Variants in FNIP1 observed in about 807,000 individuals in gnomAD.
The protein encoded by FNIP1 is folliculin interacting protein 1, also known as folliculin-interacting protein 1.
FNIP1 carries 40 observed loss-of-function variants against 124.5 expected under a neutral mutation model. The ratio of observed to expected loss-of-function variants is 0.32; its 90% CI spans 0.25 to 0.42. The LOEUF (loss-of-function observed/expected upper bound fraction) is 0.42. Among genes scored for constraint, FNIP1 ranks in the 10% least tolerant of loss-of-function variants. FNIP1 has a pLI of 1.00. For missense variants in FNIP1, 1,176 were observed against 1,403.7 expected (o/e 0.84, Z 2.59); for synonymous variants, 472 against 470.6 (o/e 1.00, Z -0.04).
At chr5:131,783,727 CTT>C (rs1772072420) in intron 1 of FNIP1, among the ~76,000 whole-genome samples, 1 of 152,068 alleles carries the variant, frequency 6.6e-6, no homozygotes, top group African/African-American at 2.4e-5. Flanking sequence ...TCAGTTATGG[CTT>C]TTGACTTCTC....
At chr5:131,777,819 G>A (rs1382501364) in intron 1 of FNIP1, among the ~76,000 whole-genome samples, 1 of 152,160 alleles carries the variant, frequency 6.6e-6, no homozygotes, top group African/African-American at 2.4e-5. Context: ...AAACTTGTTA[G>A]AAATACAAAT....
intron 15 of FNIP1, among the ~76,000 whole-genome samples, chr5:131,667,322 G>C (rs1767631662): frequency 6.6e-6 from 1 of 152,124 alleles, no homozygotes; most frequent in African/African-American, 2.4e-5. Context: ...TATTTGATTG[G>C]TATTCAAAAG....
rs925323259 is a variant in FNIP1, at chr5:131,702,050, G to A, written c.1116+2015C>T. On this transcript the variant is annotated intron_variant, in intron 10 of 17. Coordinates refer to ENST00000510461, the MANE Select transcript of FNIP1 (RefSeq NM_133372.3). ...CTGGAAAATTCGCCAAGATGTTAAC[G>A]ATAGGGTAGCAACAATTGTGCAAAA... Among the ~76,000 whole-genome samples the A allele has an allele frequency of 1.3e-4, 20 of 152,296 alleles. No individual in the cohort carries two copies. In the East Asian group the frequency reaches 3.3e-3, roughly 25 times the overall value.
rs1561707499 is a variant in FNIP1 at position 131,785,047 on chromosome 5, GACTATATATATC to G, written c.92+11771_92+11782del. Among the ~76,000 whole-genome samples, 116 of 34,170 alleles carry G rather than the reference GACTATATATATC, an allele frequency of 3.4e-3. 3 individuals carry two copies. The highest frequency in any genetic ancestry group is 0.015 in the African/African-American group (103 of 6,894). 22.4% of individuals were successfully genotyped at this position (34,170 alleles called of 152,430 possible). A position where few individuals can be genotyped will look rare whatever the true frequency, so the allele number is the denominator to read the frequency against. On this transcript the variant is annotated intron_variant, in intron 1 of 17. Transcript: ENST00000510461. ...TATATGACATATATATGATATATAT[GACTATATATATC>G]ATATATATGATATATATGACATATA...
chr5:131,783,403 T>A (rs1772059963), intron 1 of FNIP1, among the ~76,000 whole-genome samples: 1 of 141,374 alleles, frequency 7.1e-6, no homozygotes, highest in Admixed American at 7.0e-5. Context: ...CTCCTAGAAG[T>A]AGAATAGAAA....
chr5:131,731,910 G>A (rs1270058065), intron 2 of FNIP1, among the ~76,000 whole-genome samples: 2 of 152,162 alleles, frequency 1.3e-5, no homozygotes, highest in Non-Finnish European at 2.9e-5. Flanking sequence ...ATGCAAATGA[G>A]ACTTTCAGAT....
At position 131,652,732 on chromosome 5, in the gene FNIP1, T is replaced by C. The variant is rs143603220; in HGVS notation, c.3109-733A>G. ...ATCCCAGCACACTGGGAGGCTGAGG[T>C]GGGAGGACTGCTTAAGGCCAGGAGC... On this transcript the variant is annotated intron_variant, in intron 15 of 17. Transcript: ENST00000510461. Among the ~76,000 whole-genome samples the C allele has an allele frequency of 6.6e-3, 1,008 of 152,070 alleles. 5 individuals carry two copies. The highest frequency in any genetic ancestry group is 0.011 in the Non-Finnish European group (738 of 67,964).
chr5:131,719,288 C>A (rs369863402), intron 4 of FNIP1, 29 bp downstream of exon 4: 15 of 1,573,878 alleles, frequency 9.5e-6, no homozygotes, highest in Non-Finnish European at 1.2e-5. Flanking sequence ...AAATGGGACT[C>A]GTTAAAAAAA....
rs759540470 is a variant in FNIP1 at position 131,670,510 on chromosome 5, C to T, written c.3061G>A (p.Glu1021Lys). The change falls in exon 15 of 18, where the codon GAG becomes AAG. Residue 1021 changes from glutamate (E) to lysine (K), a missense_variant. By Grantham distance (56) the Glu-to-Lys change is moderately conservative. Coordinates refer to ENST00000510461, the MANE Select transcript of FNIP1 (RefSeq NM_133372.3). ...DFVLQGIGSD[E>K]RFRQCLMSDL... ...GACATCAGACACTGACGGAACCTCT[C>T]ATCACTCCCAATTCCTTGAAGAACA... 11 of 1,613,190 alleles carry T rather than the reference C, an allele frequency of 6.8e-6. No homozygotes were observed. The highest frequency in any genetic ancestry group is 9.3e-6 in the Non-Finnish European group (11 of 1,179,754).
At chr5:131,771,407 A>G (rs1771629133) in intron 1 of FNIP1, among the ~76,000 whole-genome samples, 1 of 152,212 alleles carries the variant, frequency 6.6e-6, no homozygotes, top group Non-Finnish European at 1.5e-5. Context: ...GGGTTTCAGG[A>G]TAGGAAAGAA....
rs531870407 is a variant in FNIP1, at chr5:131,725,457, T to C, written c.354+5447A>G. ...ATTCCTAGGTACTTTATTTTCTTTG[T>C]AGCAATTGTGAATGGGAGTTCACTC... On this transcript the variant is annotated intron_variant, in intron 3 of 17. Coordinates refer to ENST00000510461, the MANE Select transcript of FNIP1 (RefSeq NM_133372.3). 3.9e-5 allele frequency among the ~76,000 whole-genome samples: 6 copies of C among 152,314 alleles called. No individual in the cohort carries two copies. The South Asian group carries it at 1.2e-3, about 32-fold the overall frequency.
chr5:131,679,315 T>G (rs1768004287), intron 11 of FNIP1, 140 bp from the exon 12 acceptor site: 2 of 615,438 alleles, frequency 3.2e-6, no homozygotes, highest in Non-Finnish European at 5.8e-6. Context: ...GACCAAGTCC[T>G]TCTTTCCTTG....
intron 15 of FNIP1, among the ~76,000 whole-genome samples, chr5:131,661,029 A>C (rs1767415295): frequency 6.6e-6 from 1 of 152,180 alleles, no homozygotes; most frequent in South Asian, 2.1e-4. Flanking sequence ...TGGCTTCTTA[A>C]GGGATCTAAG....
chr5:131,726,627 T>C (rs1366482865), intron 3 of FNIP1, among the ~76,000 whole-genome samples: 1 of 152,196 alleles, frequency 6.6e-6, no homozygotes, highest in Admixed American at 6.5e-5. Flanking sequence ...CTGGATTCAT[T>C]GATTTTTTGA....
intron 1 of FNIP1, among the ~76,000 whole-genome samples, chr5:131,758,705 G>C (rs1771128610): frequency 6.6e-6 from 1 of 152,098 alleles, no homozygotes; most frequent in Non-Finnish European, 1.5e-5. Flanking sequence ...TTCAAAGAAT[G>C]CTAATAGAAA....
chr5:131,708,166 T>C (rs1406905671), intron 8 of FNIP1, among the ~76,000 whole-genome samples: 2 of 152,228 alleles, frequency 1.3e-5, no homozygotes, highest in African/African-American at 4.8e-5. Context: ...ATACCTTCTC[T>C]AGGTTACACG....
intron 1 of FNIP1, among the ~76,000 whole-genome samples, chr5:131,783,085 A>G (rs2149585231): frequency 6.6e-6 from 1 of 152,372 alleles, no homozygotes; most frequent in South Asian, 2.1e-4. Flanking sequence ...TAGGAAACCA[A>G]AAAATTTGTG....
intron 2 of FNIP1, among the ~76,000 whole-genome samples, chr5:131,733,573 T>G (rs1032158334): frequency 2.6e-5 from 4 of 152,216 alleles, no homozygotes; most frequent in South Asian, 2.1e-4. Flanking sequence ...CTTTTCTGCA[T>G]CTATTGAGAT....
At chr5:131,749,051 A>G (rs1770780989) in intron 1 of FNIP1, among the ~76,000 whole-genome samples, 1 of 152,184 alleles carries the variant, frequency 6.6e-6, no homozygotes, top group South Asian at 2.1e-4. Context: ...ATAAGCACAT[A>G]AAGAAAGAAA....
Sources: allele counts gnomAD v4.1 joint callset (sites outside exome capture counted in the v4.1 genomes callset), GRCh38; gene constraint gnomAD v4.1.1; transcripts MANE v1.5; gene names NCBI Gene and HGNC (gene_info 2026-07-23, HGNC 2026-07-21).